Variants in ADGRA3 observed in about 807,000 individuals in gnomAD.
The protein encoded by ADGRA3 is G-protein coupled receptor 125.
A neutral mutation model predicts 119.8 loss-of-function variants in ADGRA3; 56 were observed. The observed-to-expected ratio is 0.47, with a 90% CI of 0.38 to 0.58. ADGRA3 has a LOEUF of 0.58. ADGRA3 is among the 20% of genes least tolerant of loss of function. ADGRA3 has a pLI of 0.00. For synonymous variants in ADGRA3, 607 were observed against 623.8 expected (o/e 0.97, Z 0.40); for missense variants, 1,516 against 1,649.0 (o/e 0.92, Z 1.40).
chr4:22,459,481 A>C lies in ADGRA3; in HGVS notation c.401+2256T>G, dbSNP rs1445106844. Among the ~76,000 whole-genome samples, 14 of 152,166 alleles carry C rather than the reference A, an allele frequency of 9.2e-5. 1 individual carries two copies. On this transcript the variant is annotated intron_variant, in intron 3 of 18. Transcript: ENST00000334304. ...CCCTGAACTAAAAAGTTAAAAAAAA[A>C]AATAAAGAAATAGGTTTTAAACGAC...
intron 10 of ADGRA3, among the ~76,000 whole-genome samples, chr4:22,429,847 C>A (rs1716088243): frequency 6.6e-6 from 1 of 152,160 alleles, no homozygotes; most frequent in African/African-American, 2.4e-5. Context: ...TGCTCCCAAC[C>A]AACCAACACT....
intron 17 of ADGRA3, among the ~76,000 whole-genome samples, chr4:22,390,348 TTA>T (rs10623892): frequency 1.1e-4 from 9 of 78,954 alleles, no homozygotes; most frequent in African/African-American, 4.4e-4. Flanking sequence ...AAAATACATA[TTA>T]TATATATATA....
chr4:22,425,024 G>A (rs1715873753), intron 10 of ADGRA3, among the ~76,000 whole-genome samples: 1 of 151,062 alleles, frequency 6.6e-6, no homozygotes, highest in Admixed American at 6.6e-5. Flanking sequence ...GCAGTGAGCC[G>A]AGATCGTGCC....
chr4:22,509,042 C>T lies in ADGRA3; in HGVS notation c.257+6486G>A, dbSNP rs114292069. Reference sequence around the variant, plus strand: ...GACAAGGTATTGTGCTGAACCCCTACCCACTCCAGATGGGATTGCACCAGG... The same window carrying T: ...GACAAGGTATTGTGCTGAACCCCTATCCACTCCAGATGGGATTGCACCAGG... On this transcript the variant is annotated intron_variant, in intron 1 of 18. Transcript: ENST00000334304. Among the ~76,000 whole-genome samples, 3 of 152,224 alleles carry T rather than the reference C, an allele frequency of 2.0e-5. No homozygotes were observed. The South Asian group carries it at 6.2e-4, about 32-fold the overall frequency.
chr4:22,471,874 T>C (rs958756033), intron 2 of ADGRA3, among the ~76,000 whole-genome samples: 2 of 152,196 alleles, frequency 1.3e-5, no homozygotes, highest in Non-Finnish European at 2.9e-5. Flanking sequence ...AAATGGCTAA[T>C]TAATTTGTTT....
chr4:22,447,623 A>C, intron 4 of ADGRA3, 112 bp from the exon 5 acceptor site: 1 of 602,178 alleles, frequency 1.7e-6, no homozygotes, highest in Non-Finnish European at 2.8e-6. Context: ...TAAAGAACTC[A>C]TGAAAGTTTC....
chr4:22,455,947 T>C (rs977959435), intron 3 of ADGRA3: 5 of 584,688 alleles, frequency 8.6e-6, no homozygotes, highest in African/African-American at 5.7e-5. Flanking sequence ...GACAGAATAA[T>C]TAGAATAAGC....
At chr4:22,505,728 C>T (rs1284031089) in intron 1 of ADGRA3, among the ~76,000 whole-genome samples, 1 of 151,702 alleles carries the variant, frequency 6.6e-6, no homozygotes, top group Non-Finnish European at 1.5e-5. Flanking sequence ...GAGGAAGATG[C>T]AGATTAAATC....
chr4:22,515,227 A>G (rs1394086209), intron 1 of ADGRA3: 1 of 233,488 alleles, frequency 4.3e-6, no homozygotes, highest in Non-Finnish European at 8.3e-6. Context: ...GTTTACTTGC[A>G]TCCTCACGTG....
At chr4:22,473,451 C>T (rs189234832) in intron 2 of ADGRA3, among the ~76,000 whole-genome samples, 3 of 152,148 alleles carry the variant, frequency 2.0e-5, no homozygotes, top group Non-Finnish European at 4.4e-5. Flanking sequence ...ACATCCACGT[C>T]GATTCATTTA....
chr4:22,414,551 CT>C, intron 12 of ADGRA3: 1 of 682,982 alleles, frequency 1.5e-6, no homozygotes, highest in Admixed American at 2.2e-5. Context: ...ATTGTACAAT[CT>C]TTTTCTTGGC....
chr4:22,491,402 A>AT (rs1412014773), intron 1 of ADGRA3, among the ~76,000 whole-genome samples: 1 of 152,154 alleles, frequency 6.6e-6, no homozygotes, highest in Non-Finnish European at 1.5e-5. Context: ...ATTGGGTATA[A>AT]TTTTTTCTAA....
Position 22,513,845 on chromosome 4 carries a change from C to CAA in ADGRA3, c.257+1681_257+1682dup, listed in dbSNP as rs59015584. 7.9e-3 allele frequency among the ~76,000 whole-genome samples: 250 copies of CAA among 31,474 alleles called. 10 individuals are homozygous for CAA. The highest frequency in any genetic ancestry group is 0.02 in the East Asian group (20 of 988). The allele number at this position is 31,474 out of a possible 152,430, so 20.6% of individuals were successfully genotyped here. A position where few individuals can be genotyped will look rare whatever the true frequency, so the allele number is the denominator to read the frequency against. On this transcript the variant is annotated intron_variant, in intron 1 of 18. Coordinates refer to ENST00000334304, the MANE Select transcript of ADGRA3 (RefSeq NM_145290.4). ...TATTTTCATCTAAAAAGCTTTCAGG[C>CAA]AAAAAAAAAAAAAAAAAAAAAAAAA... is the stretch of plus-strand genomic sequence containing the variant.
chr4:22,449,691 C>T (rs1411003479), intron 4 of ADGRA3, among the ~76,000 whole-genome samples: 2 of 151,922 alleles, frequency 1.3e-5, no homozygotes, highest in East Asian at 3.9e-4. Context: ...ACTAAAAATA[C>T]AAAAATTAGC....
Position 22,436,535 on chromosome 4 carries a change from G to A in ADGRA3, c.1192C>T (p.Arg398Cys), listed in dbSNP as rs1716400680. The change falls in exon 9 of 19, where the codon CGC (arginine) becomes TGC (cysteine). Residue 398 changes from arginine to cysteine, a missense_variant. Arg to Cys is a radical substitution (Grantham distance 180). Transcript: ENST00000334304. ...GNPQDERKAW[R>C]RCDRGGFWAD... ...CAAAAGCCACCTCTATCACATCTGC[G>A]CCAAGCTTTTCTCTCATCCTGTGGG... The A allele has an allele frequency of 2.5e-6, 4 of 1,613,516 alleles. No homozygotes were observed. The highest frequency in any genetic ancestry group is 1.7e-5 in the Admixed American group (1 of 59,964).
chr4:22,387,942 A>G lies in ADGRA3; in HGVS notation c.3729T>C (p.Cys1243=), dbSNP rs1279615608. 6.2e-7 allele frequency: 1 copy of G among 1,614,128 alleles called. No individual in the cohort carries two copies. Among genetic ancestry groups the G allele is most frequent in the Non-Finnish European group, 8.5e-7 (1 of 1,180,022 alleles). The change falls in exon 19 of 19, where the codon TGT becomes TGC. Residue 1243 remains cysteine (C), a synonymous_variant. Coordinates refer to ENST00000334304, the MANE Select transcript of ADGRA3 (RefSeq NM_145290.4). Reference sequence around the variant, plus strand: ...TTCTGCTACTTTTGGGAAGTGTGCTACAAGCATCGCTGCTGTCTTGCTGGG... The same window carrying G: ...TTCTGCTACTTTTGGGAAGTGTGCTGCAAGCATCGCTGCTGTCTTGCTGGG... ...NPPQQDSSDA[C]STLPKSSRNF...
rs773636553 is a variant in ADGRA3, at chr4:22,402,806, G to C, written c.2233-7C>G. 1 of 1,603,520 alleles carries C rather than the reference G, an allele frequency of 6.2e-7. No individual in the cohort carries two copies. The highest frequency in any genetic ancestry group is 8.5e-7 in the Non-Finnish European group (1 of 1,176,952). On this transcript the variant is annotated splice_region_variant and splice_polypyrimidine_tract_variant and intron_variant, in intron 14 of 18. Transcript: ENST00000334304. ...GTTCAGATCCCGTCAAATCCTGAGG[G>C]CAAAAAGAAAGATCCATTCTAGCAG...
At chr4:22,488,763 G>T (rs1320400517) in intron 1 of ADGRA3, among the ~76,000 whole-genome samples, 1 of 152,068 alleles carries the variant, frequency 6.6e-6, no homozygotes, top group East Asian at 1.9e-4. Context: ...TTTAAAATTT[G>T]GGGAAAACAT....
Position 22,447,473 on chromosome 4 carries a change from C to T in ADGRA3, c.512G>A (p.Gly171Glu), listed in dbSNP as rs774010326. 1.9e-6 allele frequency: 3 copies of T among 1,578,362 alleles called. No homozygotes were observed. In the South Asian group the frequency reaches 3.7e-5, roughly 19 times the overall value. The change falls in exon 5 of 19, where the codon GGA becomes GAA. Residue 171 changes from glycine (G) to glutamate (E), a missense_variant. Gly to Glu is a moderately conservative substitution (Grantham distance 98). Around this residue, in one of 2 missense-constraint regions of ADGRA3, gnomAD observed 428 missense variants for 541.9 expected, o/e 0.79. Transcript: ENST00000334304. ...TAATGACGCAAGATAATCAAAAGTT[C>T]CTTGAGATAATGAAGAAAACAAATT... ...SGNLFSSLSQ[G>E]TFDYLASLRS...
Sources: gnomAD v4.1 joint callset for allele counts (sites outside exome capture counted in the v4.1 genomes callset) on GRCh38, gnomAD v4.1.1 for gene constraint, gnomAD v4.1.1 regional missense constraint, MANE v1.5 for transcripts, NCBI Gene and HGNC (gene_info 2026-07-23, HGNC 2026-07-21) for gene names.